KCNH1: variants seen among roughly 807,000 people sequenced by gnomAD.
The protein encoded by KCNH1 is voltage-gated delayed rectifier potassium channel KCNH1.
Under a neutral mutation model 69.2 loss-of-function variants are expected in KCNH1, and 27 were observed. That is an observed-to-expected ratio of 0.39 (90% confidence interval 0.29 to 0.54). The LOEUF is 0.54. KCNH1 is among the 20% of genes least tolerant of loss of function. The probability of loss-of-function intolerance (pLI) is 0.68; values close to 1 mark genes in which losing one functional copy is unlikely to be tolerated. For missense variants in KCNH1, 798 were observed against 1,261.6 expected, an observed-to-expected ratio of 0.63 and a Z score of 5.57; for synonymous variants, 456 against 487.7, an observed-to-expected ratio of 0.93 and a Z score of 0.86.
intron 7 of KCNH1, among the ~76,000 whole-genome samples, chr1:210,883,123 TG>T (rs1184247072): frequency 6.6e-6 from 1 of 152,002 alleles, no homozygotes; most frequent in Admixed American, 6.6e-5. Context: ...GGTATGATGG[TG>T]GGGGAGGGAG....
chr1:210,696,397 A>G (rs1461736304), intron 10 of KCNH1, among the ~76,000 whole-genome samples: 1 of 152,070 alleles, frequency 6.6e-6, no homozygotes, highest in African/African-American at 2.4e-5. Flanking sequence ...TTGCTCTTTT[A>G]GCCTTTCAAC....
chr1:210,892,959 G>A (rs1686778697), intron 7 of KCNH1, among the ~76,000 whole-genome samples: 1 of 152,136 alleles, frequency 6.6e-6, no homozygotes, highest in Admixed American at 6.6e-5. Context: ...ATGCAACGTA[G>A]GAGGTAATCA....
chr1:210,748,436 G>C (rs945141263), intron 10 of KCNH1, among the ~76,000 whole-genome samples: 1 of 152,104 alleles, frequency 6.6e-6, no homozygotes, highest in East Asian at 1.9e-4. Context: ...CCCTCTCCTC[G>C]AAATCCTTAA....
intron 7 of KCNH1, among the ~76,000 whole-genome samples, chr1:210,915,048 C>T (rs141996552): frequency 6.6e-6 from 1 of 152,230 alleles, no homozygotes; most frequent in Non-Finnish European, 1.5e-5. Context: ...GTCTCTTTGC[C>T]ATCAAATTAC....
At chr1:210,931,160 C>G (rs377125554) in intron 6 of KCNH1, among the ~76,000 whole-genome samples, 1 of 152,304 alleles carries the variant, frequency 6.6e-6, no homozygotes, top group East Asian at 1.9e-4. Context: ...AATCCCACTA[C>G]TAGGTATCTA....
chr1:210,936,220 T>G (rs540082691), intron 6 of KCNH1, among the ~76,000 whole-genome samples: 12 of 152,316 alleles, frequency 7.9e-5, no homozygotes, highest in African/African-American at 2.9e-4. Context: ...CCCGTATTAC[T>G]CATCACTACT....
intron 10 of KCNH1, among the ~76,000 whole-genome samples, chr1:210,708,691 CTAG>C (rs763554726): frequency 1.4e-4 from 22 of 152,130 alleles, no homozygotes; most frequent in South Asian, 8.3e-4. Context: ...TCGGAAATAA[CTAG>C]TAATTTTAAC....
At chr1:210,743,393 C>G (rs1683081403) in intron 10 of KCNH1, among the ~76,000 whole-genome samples, 1 of 152,166 alleles carries the variant, frequency 6.6e-6, no homozygotes, top group Admixed American at 6.5e-5. Flanking sequence ...CTAGTAGGCT[C>G]TTCCATTCAG....
chr1:210,907,905 C>T (rs1456501062), intron 7 of KCNH1, among the ~76,000 whole-genome samples: 1 of 152,198 alleles, frequency 6.6e-6, no homozygotes, highest in Admixed American at 6.5e-5. Flanking sequence ...TTCTAATGAT[C>T]TTTCTGGTCA....
At chr1:211,091,669 A>G (rs753036150) in intron 3 of KCNH1, among the ~76,000 whole-genome samples, 4 of 152,150 alleles carry the variant, frequency 2.6e-5, no homozygotes, top group Non-Finnish European at 5.9e-5. Flanking sequence ...GTGTTTCAAT[A>G]TCAATCCTTG....
intron 10 of KCNH1, among the ~76,000 whole-genome samples, chr1:210,689,641 C>T (rs764648753): frequency 2.0e-5 from 3 of 152,232 alleles, no homozygotes; most frequent in Non-Finnish European, 2.9e-5. Flanking sequence ...TTCAGACACA[C>T]GTCCCCAGTC....
intron 1 of KCNH1, among the ~76,000 whole-genome samples, chr1:211,127,103 G>T (rs539120454): frequency 5.3e-5 from 8 of 152,158 alleles, no homozygotes; most frequent in Non-Finnish European, 1.2e-4. Flanking sequence ...TCCTCTGTTA[G>T]ACCCAGCATC....
At chr1:211,094,371 T>TACCA (rs1374489494) in intron 3 of KCNH1, among the ~76,000 whole-genome samples, 2 of 152,202 alleles carry the variant, frequency 1.3e-5, no homozygotes, top group African/African-American at 4.8e-5. Context: ...CATGGACTGG[T>TACCA]AGCAGTCTGT....
chr1:210,800,261 T>C (rs192260678), intron 8 of KCNH1, among the ~76,000 whole-genome samples: 19 of 152,304 alleles, frequency 1.2e-4, no homozygotes, highest in South Asian at 1.2e-3. Context: ...TAAGGCTCAT[T>C]AAAAACAAGA....
Position 211,016,932 on chromosome 1 carries a change from T to TA in KCNH1, c.1032+1850dup, listed in dbSNP as rs1163636295. On this transcript the variant is annotated intron_variant, in intron 6 of 10. Transcript: ENST00000271751. ...TCAAAAAAAAAAAAAATTTTAAAAT[T>TA]AAAAAAAAAAATTCTCATTTAAGAA... Among the ~76,000 whole-genome samples, 38 of 142,268 alleles carry TA rather than the reference T, an allele frequency of 2.7e-4. 1 individual carries two copies. The East Asian group carries it at 6.2e-3, about 23-fold the overall frequency. 93.3% of individuals were successfully genotyped at this position (142,268 alleles called of 152,430 possible).
intron 7 of KCNH1, among the ~76,000 whole-genome samples, chr1:210,883,096 A>T (rs1335103969): frequency 3.3e-5 from 5 of 152,136 alleles, no homozygotes; most frequent in Admixed American, 3.3e-4. Context: ...AATCCAATAG[A>T]CCAGAGACAA....
At chr1:211,056,471 C>T (rs1431876513) in intron 5 of KCNH1, among the ~76,000 whole-genome samples, 2 of 151,978 alleles carry the variant, frequency 1.3e-5, no homozygotes, top group African/African-American at 4.8e-5. Context: ...AACTCACTGC[C>T]CTGAAGAGAA....
chr1:211,028,067 G>A (rs1689715952), intron 5 of KCNH1, among the ~76,000 whole-genome samples: 1 of 151,998 alleles, frequency 6.6e-6, no homozygotes, highest in Admixed American at 6.6e-5. Context: ...ATAATACTCA[G>A]GATAGATCAT....
At chr1:211,086,178 T>C (rs995585896) in intron 4 of KCNH1, among the ~76,000 whole-genome samples, 1 of 152,130 alleles carries the variant, frequency 6.6e-6, no homozygotes, top group Admixed American at 6.5e-5. Context: ...ATTGGACAAA[T>C]AAAGAACAAA....
Sources: gnomAD v4.1 joint callset for allele counts (sites outside exome capture counted in the v4.1 genomes callset) on GRCh38, gnomAD v4.1.1 for gene constraint, MANE v1.5 for transcripts, NCBI Gene and HGNC (gene_info 2026-07-23, HGNC 2026-07-21) for gene names.